The following SUMF1 variants were observed in gnomAD, a reference collection of about 807,000 sequenced individuals.
SUMF1 encodes the protein formylglycine-generating enzyme.
A neutral mutation model predicts 47.6 loss-of-function variants in SUMF1; 48 were observed. That is an observed-to-expected ratio of 1.01 (90% CI 0.80 to 1.28). The LOEUF is 1.28. Ranked by LOEUF, SUMF1 falls within the 50% of genes most tolerant of loss-of-function variation. The probability of loss-of-function intolerance (pLI) is 0.00; values close to 1 mark genes in which losing one functional copy is unlikely to be tolerated. For synonymous variants in SUMF1, 230 were observed against 192.1 expected, an observed-to-expected ratio of 1.20 and a Z score of -1.63; for missense variants, 571 against 485.4, an observed-to-expected ratio of 1.18 and a Z score of -1.66.
intron 8 of SUMF1, among the ~76,000 whole-genome samples, chr3:4,179,847 GA>G (rs1416927640): frequency 6.6e-6 from 1 of 151,852 alleles, no homozygotes; most frequent in Non-Finnish European, 1.5e-5. Flanking sequence ...AAATTTACAA[GA>G]AAAAAACAAA....
chr3:4,195,113 G>A (rs775778109), intron 8 of SUMF1, among the ~76,000 whole-genome samples: 1 of 152,046 alleles, frequency 6.6e-6, no homozygotes. Flanking sequence ...CTATAGCAAG[G>A]AAACACAAAT....
intron 8 of SUMF1, among the ~76,000 whole-genome samples, chr3:4,103,063 C>A (rs2322518): frequency 0.11 from 17,408 of 151,534 alleles, 2,010 homozygotes; most frequent in African/African-American, 0.28. Flanking sequence ...GCTGGGATTA[C>A]AGGTGCCTGC....
At chr3:4,126,127 T>G (rs1693650446) in intron 8 of SUMF1, among the ~76,000 whole-genome samples, 1 of 151,838 alleles carries the variant, frequency 6.6e-6, no homozygotes, top group South Asian at 2.1e-4. Flanking sequence ...GATGCTTCTT[T>G]TCTGTTTTGT....
At chr3:4,263,719 C>A (rs1346638436) in intron 8 of SUMF1, among the ~76,000 whole-genome samples, 1 of 152,152 alleles carries the variant, frequency 6.6e-6, no homozygotes, top group Admixed American at 6.5e-5. Flanking sequence ...TATTCCCTTG[C>A]CCCCTTATTA....
chr3:4,044,395 G>A (rs1694968945), intron 9 of SUMF1, among the ~76,000 whole-genome samples: 2 of 152,164 alleles, frequency 1.3e-5, no homozygotes, highest in African/African-American at 4.8e-5. Context: ...ATGAAGTGCT[G>A]ACAATAATTA....
intron 8 of SUMF1, among the ~76,000 whole-genome samples, chr3:4,199,028 G>C (rs764289646): frequency 6.6e-6 from 1 of 151,472 alleles, no homozygotes; most frequent in Non-Finnish European, 1.5e-5. Flanking sequence ...CATAAAATTC[G>C]ACCACTTGAA....
chr3:4,456,878 ATG>A (rs1279620939), intron 1 of SUMF1, among the ~76,000 whole-genome samples: 2 of 41,550 alleles, frequency 4.8e-5, no homozygotes, highest in African/African-American at 9.1e-5. Flanking sequence ...GTATATCTAT[ATG>A]TGTGTGTATA....
chr3:4,204,835 T>TTG (rs386395833), intron 8 of SUMF1, among the ~76,000 whole-genome samples: 1 of 151,816 alleles, frequency 6.6e-6, no homozygotes, highest in East Asian at 1.9e-4. Context: ...TTGATTTTTT[T>TTG]TATTATTTCA....
chr3:4,091,278 G>T (rs1454486024), intron 8 of SUMF1, among the ~76,000 whole-genome samples: 2 of 152,022 alleles, frequency 1.3e-5, no homozygotes, highest in South Asian at 2.1e-4. Flanking sequence ...ACTTACTGTG[G>T]TATCTTCCCA....
chr3:4,395,281 A>C (rs548732683), intron 7 of SUMF1, among the ~76,000 whole-genome samples: 1 of 152,346 alleles, frequency 6.6e-6, no homozygotes, highest in South Asian at 2.1e-4. Flanking sequence ...ATCTCTACCC[A>C]AAGTACATAT....
At chr3:4,327,121 T>C (rs1342195646) in intron 8 of SUMF1, among the ~76,000 whole-genome samples, 2 of 152,180 alleles carry the variant, frequency 1.3e-5, no homozygotes, top group Non-Finnish European at 2.9e-5. Flanking sequence ...TAAAAATAGA[T>C]CGATTTTTTT....
intron 8 of SUMF1, among the ~76,000 whole-genome samples, chr3:4,183,105 T>C (rs931786669): frequency 6.6e-6 from 1 of 152,066 alleles, no homozygotes; most frequent in Admixed American, 6.6e-5. Context: ...AACTGTTCCA[T>C]TCCAAGTGCT....
At chr3:4,245,850 T>G (rs1696655763) in intron 8 of SUMF1, among the ~76,000 whole-genome samples, 2 of 152,114 alleles carry the variant, frequency 1.3e-5, no homozygotes, top group African/African-American at 4.8e-5. Context: ...CCCCTAGAGG[T>G]GGAATCTAGA....
chr3:4,091,602 CGA>C (rs1692788417), intron 8 of SUMF1, among the ~76,000 whole-genome samples: 1 of 152,040 alleles, frequency 6.6e-6, no homozygotes. Context: ...AAGACAACCT[CGA>C]ATAGGATAAC....
At chr3:4,330,273 A>G (rs1005845846) in intron 8 of SUMF1, among the ~76,000 whole-genome samples, 5 of 152,176 alleles carry the variant, frequency 3.3e-5, no homozygotes, top group African/African-American at 1.2e-4. Flanking sequence ...TCTTTACAGC[A>G]GCACCCCACT....
intron 2 of SUMF1, among the ~76,000 whole-genome samples, chr3:4,449,740 G>A (rs1024037708): frequency 5.3e-5 from 8 of 152,154 alleles, no homozygotes; most frequent in African/African-American, 1.9e-4. Flanking sequence ...AGCACTGTTT[G>A]CTCACATTCT....
At chr3:4,178,200 C>A (rs900447803) in intron 8 of SUMF1, among the ~76,000 whole-genome samples, 3 of 152,166 alleles carry the variant, frequency 2.0e-5, no homozygotes, top group Non-Finnish European at 4.4e-5. Context: ...ATGAGGCCAG[C>A]ATCATCCTGA....
intron 8 of SUMF1, among the ~76,000 whole-genome samples, chr3:4,223,604 C>G (rs1001479918): frequency 6.6e-6 from 1 of 152,084 alleles, no homozygotes; most frequent in African/African-American, 2.4e-5. Flanking sequence ...TGCTCTTGTT[C>G]CCTAGAATGG....
At chr3:4,374,050 T>A (rs1340683562) in intron 8 of SUMF1, among the ~76,000 whole-genome samples, 1 of 152,174 alleles carries the variant, frequency 6.6e-6, no homozygotes, top group African/African-American at 2.4e-5. Context: ...GTAAAGGGCA[T>A]GCATCTATGA....
Sources: gnomAD v4.1 joint callset for allele counts (sites outside exome capture counted in the v4.1 genomes callset) on GRCh38, gnomAD v4.1.1 for gene constraint, MANE v1.5 for transcripts, NCBI Gene and HGNC (gene_info 2026-07-23, HGNC 2026-07-21) for gene names.